The following ANXA5 variants were observed in gnomAD, a reference collection of about 807,000 sequenced individuals.
The protein encoded by ANXA5 is CBP-I.
In ANXA5, 40 loss-of-function variants were observed where a neutral mutation model predicts 48.1. The observed-to-expected ratio is 0.83, with a 90% CI of 0.65 to 1.08. The LOEUF (loss-of-function observed/expected upper bound fraction) is 1.08, where lower values mean the gene tolerates loss of function less well. Ranked by LOEUF, ANXA5 falls within the 50% of genes least tolerant of loss-of-function variation. The pLI is 0.00. For missense variants in ANXA5, 357 were observed against 376.8 expected (o/e 0.95, Z 0.44); for synonymous variants, 113 against 129.1 (o/e 0.88, Z 0.85).
intron 4 of ANXA5, among the ~76,000 whole-genome samples, chr4:121,684,281 C>G (rs2110486391): frequency 6.6e-6 from 1 of 151,840 alleles, no homozygotes; most frequent in South Asian, 2.1e-4. Context: ...ATTAAAAACC[C>G]ATTAGTTAAA....
At chr4:121,683,330 A>G in intron 5 of ANXA5, 34 bp downstream of exon 5, 2 of 1,328,598 alleles carry the variant, frequency 1.5e-6, no homozygotes, top group East Asian at 2.4e-5. Context: ...AATACTATCT[A>G]TGCAAGAATG....
In ANXA5 at chr4:121,668,306, A is replaced by G. The variant is rs1270040989; in HGVS notation, c.*162T>C. On this transcript the variant is annotated 3_prime_UTR_variant, in exon 13 of 13. Coordinates refer to ENST00000296511, the MANE Select transcript of ANXA5 (RefSeq NM_001154.4). ...AGATCTCCACTAGAGATCAGAAAGA[A>G]GCACCACTATTTTCTTCTATGACGT... 9.8e-6 allele frequency: 6 copies of G among 613,160 alleles called. No individual in the cohort carries two copies. The highest frequency in any genetic ancestry group is 1.8e-5 in the Non-Finnish European group (6 of 342,710). The allele number at this position is 613,160 out of a possible 1,614,324, so 38.0% of individuals were successfully genotyped here.
At chr4:121,690,532 A>G (rs1025535706) in intron 2 of ANXA5, among the ~76,000 whole-genome samples, 39 of 152,200 alleles carry the variant, frequency 2.6e-4, no homozygotes, top group African/African-American at 9.2e-4. Context: ...GACGGTCTCA[A>G]TGAAACAACA....
Position 121,686,304 on chromosome 4 carries a change from C to A in ANXA5, c.78G>T (p.Lys26Asn), listed in dbSNP as rs770783558. 2 of 1,613,990 alleles carry A rather than the reference C, an allele frequency of 1.2e-6. No individual in the cohort carries two copies. The highest frequency in any genetic ancestry group is 1.7e-6 in the Non-Finnish European group (2 of 1,179,922). The part of the protein sequence containing the change: ...DERADAETLR[K>N]AMKGLGTDEE... ...TAAATTTACCCAAGCCTTTCATAGC[C>A]TTCCGAAGAGTTTCTGCATCAGCCC... The change falls in exon 3 of 13, where the codon AAG becomes AAT. Residue 26 changes from lysine (K) to asparagine (N), a missense_variant. By Grantham distance (94) the Lys-to-Asn change is moderately conservative. Coordinates refer to ENST00000296511, the MANE Select transcript of ANXA5 (RefSeq NM_001154.4).
At position 121,672,597 on chromosome 4, in the gene ANXA5, C is replaced by CT; in HGVS notation, c.560_561insA (p.Trp187Ter). 6.2e-7 allele frequency: 1 copy of CT among 1,613,790 alleles called. No individual in the cohort carries two copies. The highest frequency in any genetic ancestry group is 8.5e-7 in the Non-Finnish European group (1 of 1,179,840). The change falls in exon 9 of 13, where the codon TGG becomes TGAG. Residue 187 changes from tryptophan to a stop codon, truncating the protein, a stop_gained and frameshift_variant. Coordinates refer to ENST00000296511, the MANE Select transcript of ANXA5 (RefSeq NM_001154.4). LOFTEE classifies it high-confidence loss of function. The stretch of plus-strand genomic sequence containing the variant: ...TGATAAACTTTTCTTCATCTGTCCC[C>CT]CATTTAAGTTCTCCAGCCTGAAATA... ...QALFQAGELK[W>*]GTDEEKFITI...
intron 11 of ANXA5, 60 bp from the exon 12 acceptor site, chr4:121,669,784 A>T: frequency 6.4e-7 from 1 of 1,569,664 alleles, no homozygotes; most frequent in Non-Finnish European, 8.6e-7. Flanking sequence ...CATAGGATCA[A>T]ATGCTCCCGG....
rs759466251 is a variant in ANXA5 at position 121,681,733 on chromosome 4, G to A, written c.332C>T (p.Thr111Ile). The change falls in exon 6 of 13, where the codon ACA becomes ATA. Residue 111 changes from threonine to isoleucine, a missense_variant. Thr to Ile is a moderately conservative substitution (Grantham distance 89). Coordinates refer to ENST00000296511, the MANE Select transcript of ANXA5 (RefSeq NM_001154.4). ...KGAGTNEKVL[T>I]EIIASRTPEE... is the part of the protein sequence containing the mutation. ...AGGTGTCCTTGAAGCAATAATTTCT[G>A]TCAGTACTTTTTCATTTGTTCCAGC... 2 of 1,612,446 alleles carry A rather than the reference G, an allele frequency of 1.2e-6. No homozygotes were observed. Among genetic ancestry groups the A allele is most frequent in the Non-Finnish European group, 1.7e-6 (2 of 1,178,958 alleles).
At chr4:121,668,890 T>C (rs1329081243) in intron 12 of ANXA5, among the ~76,000 whole-genome samples, 2 of 151,106 alleles carry the variant, frequency 1.3e-5, no homozygotes, top group African/African-American at 4.9e-5. Flanking sequence ...TGCATCTGCT[T>C]GTCTCACATG....
chr4:121,694,757 A>T (rs1373374014), intron 2 of ANXA5, among the ~76,000 whole-genome samples: 1 of 152,202 alleles, frequency 6.6e-6, no homozygotes, highest in Non-Finnish European at 1.5e-5. Context: ...ACAAAATTTA[A>T]CACTCTGTAT....
intron 5 of ANXA5, among the ~76,000 whole-genome samples, chr4:121,683,042 G>A (rs1205286085): frequency 1.3e-5 from 2 of 151,930 alleles, no homozygotes; most frequent in Non-Finnish European, 2.9e-5. Context: ...TACTGAAAAA[G>A]ATAAAATAGC....
intron 2 of ANXA5, among the ~76,000 whole-genome samples, chr4:121,695,560 A>T (rs1383212818): frequency 1.3e-5 from 2 of 152,210 alleles, no homozygotes; most frequent in Admixed American, 6.5e-5. Flanking sequence ...AAGACTGTAT[A>T]ACATGGTCAA....
rs775990327 is a variant in ANXA5, at chr4:121,681,683, C to G, written c.382G>C (p.Val128Leu). 4.3e-6 allele frequency: 7 copies of G among 1,609,836 alleles called. No homozygotes were observed. Among genetic ancestry groups the G allele is most frequent in the Admixed American group, 1.7e-5 (1 of 59,798 alleles). The stretch of plus-strand genomic sequence containing the variant: ...CACAAACATTTACCTTCTTCATAAA[C>G]TTGTTTGATGGCTCTCAGTTCTTCA... ...TPEELRAIKQ[V>L]YEEEYGSSLE... Residue 128 changes from valine (V) to leucine (L), a missense_variant, in exon 6 of 13, where the codon GTT becomes CTT. Transcript: ENST00000296511.
At chr4:121,680,358 A>C (rs915110514) in intron 6 of ANXA5, among the ~76,000 whole-genome samples, 1 of 152,158 alleles carries the variant, frequency 6.6e-6, no homozygotes. Context: ...ACTCTGCTGC[A>C]TGTGTGATTT....
rs547903820 is a variant in ANXA5, at chr4:121,694,077, C to T, written c.9+2504G>A. ...TGGACACAGAAAGGGGAACATCACA[C>T]ACCCACACCGGGGCCTATTGTGGGC... On this transcript the variant is annotated intron_variant, in intron 2 of 12. Transcript: ENST00000296511. 5.8e-5 allele frequency among the ~76,000 whole-genome samples: 8 copies of T among 138,162 alleles called. No homozygotes were observed. The South Asian group carries it at 7.0e-4, about 12-fold the overall frequency. 90.6% of individuals were successfully genotyped at this position (138,162 alleles called of 152,430 possible). A position where few individuals can be genotyped will look rare whatever the true frequency, so the allele number is the denominator to read the frequency against.
Position 121,671,709 on chromosome 4 carries a change from T to G in ANXA5, c.626-67A>C, listed in dbSNP as rs1037708308. The G allele has an allele frequency of 8.2e-5, 90 of 1,100,836 alleles. No homozygotes were observed. In the African/African-American group the frequency reaches 1.4e-3, roughly 17 times the overall value. The allele number at this position is 1,100,836 out of a possible 1,614,324, so 68.2% of individuals were successfully genotyped here. A position where few individuals can be genotyped will look rare whatever the true frequency, so the allele number is the denominator to read the frequency against. ...CTCTTTCCAGAAAGATGGTATTTAC[T>G]TTGATTAGGTAGTGTCTTACTGAAC... On this transcript the variant is annotated intron_variant, in intron 9 of 12. Transcript: ENST00000296511.
intron 8 of ANXA5, among the ~76,000 whole-genome samples, chr4:121,672,901 A>G (rs1724636315): frequency 6.6e-6 from 1 of 152,214 alleles, no homozygotes; most frequent in Non-Finnish European, 1.5e-5. Context: ...AATGTCTGCC[A>G]TAACCTCCAA....
chr4:121,694,248 T>A (rs1725039653), intron 2 of ANXA5, among the ~76,000 whole-genome samples: 1 of 145,316 alleles, frequency 6.9e-6, no homozygotes, highest in Non-Finnish European at 1.5e-5. Flanking sequence ...TAAAGTATAA[T>A]AAAAATATAT....
chr4:121,686,709 C>G (rs1416964310), intron 2 of ANXA5, among the ~76,000 whole-genome samples: 2 of 152,118 alleles, frequency 1.3e-5, no homozygotes, highest in Non-Finnish European at 2.9e-5. Context: ...CCATTTTGAT[C>G]TACAAGCATA....
intron 5 of ANXA5, among the ~76,000 whole-genome samples, chr4:121,682,653 A>G (rs966882427): frequency 2.5e-4 from 38 of 152,258 alleles, no homozygotes; most frequent in African/African-American, 8.7e-4. Flanking sequence ...ACCAGCTCCT[A>G]TCAGGATGAC....
Sources: gnomAD v4.1 joint callset for allele counts (sites outside exome capture counted in the v4.1 genomes callset) on GRCh38, gnomAD v4.1.1 for gene constraint, MANE v1.5 for transcripts, NCBI Gene and HGNC (gene_info 2026-07-23, HGNC 2026-07-21) for gene names.